The following SLIT3 variants were observed in gnomAD, a reference collection of about 807,000 sequenced individuals.
SLIT3 encodes the protein slit guidance ligand 3, also known as slit homolog 3 protein.
In SLIT3, 68 loss-of-function variants were observed where a neutral mutation model predicts 184.0. The ratio of observed to expected loss-of-function variants is 0.37; its 90% confidence interval spans 0.30 to 0.45. The LOEUF is 0.45. SLIT3 is among the 20% of genes least tolerant of loss of function. The pLI is 1.00. For missense variants in SLIT3, 1,707 were observed against 2,026.0 expected (o/e 0.84, Z 3.02); for synonymous variants, 831 against 828.6 (o/e 1.00, Z -0.05).
At chr5:168,803,750 A>T (rs959299981) in intron 9 of SLIT3, among the ~76,000 whole-genome samples, 1 of 152,114 alleles carries the variant, frequency 6.6e-6, no homozygotes, top group Non-Finnish European at 1.5e-5. Flanking sequence ...AACCTGGCAG[A>T]TGGAAGGAGA....
intron 6 of SLIT3, among the ~76,000 whole-genome samples, chr5:168,835,772 C>T (rs1475364471): frequency 6.6e-6 from 1 of 150,510 alleles, no homozygotes; most frequent in East Asian, 1.9e-4. Context: ...GATTCCACCA[C>T]TGCACTCCAG....
intron 3 of SLIT3, among the ~76,000 whole-genome samples, chr5:169,223,257 C>T (rs1180503157): frequency 6.6e-6 from 1 of 152,188 alleles, no homozygotes; most frequent in Admixed American, 6.5e-5. Context: ...ACCAGCCTAG[C>T]ATCTCTGCAG....
chr5:169,100,989 T>C (rs1230862342), intron 4 of SLIT3, among the ~76,000 whole-genome samples: 1 of 152,184 alleles, frequency 6.6e-6, no homozygotes, highest in African/African-American at 2.4e-5. Flanking sequence ...AAGTTGACCA[T>C]TGGAGTCCTC....
chr5:169,127,027 T>C (rs113885809), intron 4 of SLIT3, among the ~76,000 whole-genome samples: 57 of 152,360 alleles, frequency 3.7e-4, no homozygotes, highest in African/African-American at 1.3e-3. Flanking sequence ...TGACTTACCA[T>C]GGTTTCATCA....
intron 4 of SLIT3, among the ~76,000 whole-genome samples, chr5:168,999,967 G>A (rs993763861): frequency 1.3e-5 from 2 of 152,222 alleles, no homozygotes. Context: ...TTTTCCACTT[G>A]GGGTCTGGGT....
intron 4 of SLIT3, among the ~76,000 whole-genome samples, chr5:169,088,585 G>C (rs1293186617): frequency 6.6e-6 from 1 of 152,142 alleles, no homozygotes; most frequent in Non-Finnish European, 1.5e-5. Context: ...GCAGTATGGA[G>C]AGACTGATAA....
chr5:169,232,620 T>C (rs558220097), intron 3 of SLIT3, among the ~76,000 whole-genome samples: 1 of 152,310 alleles, frequency 6.6e-6, no homozygotes, highest in East Asian at 1.9e-4. Context: ...ACAGAACAAG[T>C]TTTCCATATG....
chr5:169,156,957 A>G (rs994984110), intron 4 of SLIT3, among the ~76,000 whole-genome samples: 4 of 152,154 alleles, frequency 2.6e-5, no homozygotes, highest in African/African-American at 9.7e-5. Context: ...TATATCTCCA[A>G]CCTGGCAGCT....
At chr5:169,185,223 C>T (rs148845133) in intron 4 of SLIT3, among the ~76,000 whole-genome samples, 219 of 152,328 alleles carry the variant, frequency 1.4e-3, no homozygotes, top group African/African-American at 4.8e-3. Flanking sequence ...AGGCTGGCCT[C>T]ACTGCAGTGT....
chr5:168,784,533 C>G (rs1008448621), intron 12 of SLIT3, among the ~76,000 whole-genome samples: 1 of 152,172 alleles, frequency 6.6e-6, no homozygotes, highest in South Asian at 2.1e-4. Context: ...TGCTGGGCAT[C>G]GCACGCCTAC....
At chr5:169,059,623 A>G (rs929706557) in intron 4 of SLIT3, among the ~76,000 whole-genome samples, 26 of 152,318 alleles carry the variant, frequency 1.7e-4, no homozygotes, top group African/African-American at 6.0e-4. Flanking sequence ...ATTAAAAACA[A>G]ATTTTTAAAA....
At chr5:168,840,859 G>A (rs2113706606) in intron 6 of SLIT3, among the ~76,000 whole-genome samples, 1 of 152,296 alleles carries the variant, frequency 6.6e-6, no homozygotes, top group South Asian at 2.1e-4. Flanking sequence ...AAAGTCTATG[G>A]CAATGGCCAC....
chr5:168,823,534 C>T (rs964661594), intron 6 of SLIT3, among the ~76,000 whole-genome samples: 1 of 152,074 alleles, frequency 6.6e-6, no homozygotes, highest in Non-Finnish European at 1.5e-5. Flanking sequence ...CAGGTGGAGC[C>T]CTCCTTCCCT....
chr5:169,287,909 G>T (rs1767213243), intron 1 of SLIT3, among the ~76,000 whole-genome samples: 1 of 152,146 alleles, frequency 6.6e-6, no homozygotes, highest in African/African-American at 2.4e-5. Flanking sequence ...CACTGGCCAA[G>T]TGAAGGTTCT....
chr5:168,808,701 A>G (rs530987578), intron 8 of SLIT3, among the ~76,000 whole-genome samples: 1 of 152,224 alleles, frequency 6.6e-6, no homozygotes, highest in African/African-American at 2.4e-5. Context: ...TCTGAGAAGG[A>G]GTGAAAATAC....
intron 4 of SLIT3, among the ~76,000 whole-genome samples, chr5:169,107,120 G>C (rs1445466374): frequency 6.6e-6 from 1 of 152,208 alleles, no homozygotes; most frequent in African/African-American, 2.4e-5. Flanking sequence ...CACTGAGCAG[G>C]CTCCACAGTC....
chr5:169,125,260 A>AT (rs1341194711), intron 4 of SLIT3, among the ~76,000 whole-genome samples: 1 of 152,090 alleles, frequency 6.6e-6, no homozygotes, highest in Non-Finnish European at 1.5e-5. Flanking sequence ...GTTGACCAGG[A>AT]TGGTCTCGAT....
intron 4 of SLIT3, among the ~76,000 whole-genome samples, chr5:168,976,633 T>C (rs1469240117): frequency 1.3e-5 from 2 of 152,228 alleles, no homozygotes; most frequent in Non-Finnish European, 2.9e-5. Context: ...TCTATCTCTA[T>C]TGCCTTGTTC....
At chr5:168,847,259 A>G (rs962459695) in intron 5 of SLIT3, among the ~76,000 whole-genome samples, 3 of 152,234 alleles carry the variant, frequency 2.0e-5, no homozygotes, top group Non-Finnish European at 2.9e-5. Flanking sequence ...CAAAATTTAA[A>G]ATATTTATGC....
Sources: gnomAD v4.1 joint callset for allele counts (sites outside exome capture counted in the v4.1 genomes callset) on GRCh38, gnomAD v4.1.1 for gene constraint, MANE v1.5 for transcripts, NCBI Gene and HGNC (gene_info 2026-07-23, HGNC 2026-07-21) for gene names.